The following GPR158 variants were observed in gnomAD, a reference collection of about 807,000 sequenced individuals.
The protein encoded by GPR158 is metabotropic glycine receptor.
In GPR158, 30 loss-of-function variants were observed where a neutral mutation model predicts 78.2. The observed-to-expected ratio is 0.38, with a 90% confidence interval of 0.29 to 0.52. The LOEUF (loss-of-function observed/expected upper bound fraction) is 0.52, where lower values mean the gene tolerates loss of function less well. Ranked by LOEUF, GPR158 falls within the 20% of genes least tolerant of loss-of-function variation. The pLI, the probability that GPR158 is intolerant of heterozygous loss-of-function variation, is 0.83. For synonymous variants in GPR158, 581 were observed against 591.1 expected, an observed-to-expected ratio of 0.98 and a Z score of 0.25; for missense variants, 1,463 against 1,523.5, an observed-to-expected ratio of 0.96 and a Z score of 0.66.
chr10:25,507,336 G>A (rs778135950), intron 5 of GPR158, among the ~76,000 whole-genome samples: 19 of 152,186 alleles, frequency 1.2e-4, no homozygotes, highest in Non-Finnish European at 2.5e-4. Context: ...TCGTTAAAAA[G>A]TCACCACCCT....
chr10:25,459,506 A>T (rs979630247), intron 4 of GPR158, among the ~76,000 whole-genome samples: 4 of 152,210 alleles, frequency 2.6e-5, no homozygotes, highest in East Asian at 3.8e-4. Context: ...GACCAAAAAA[A>T]TAGCTGCCTT....
At chr10:25,348,074 A>T (rs1365561524) in intron 2 of GPR158, among the ~76,000 whole-genome samples, 1 of 151,854 alleles carries the variant, frequency 6.6e-6, no homozygotes, top group Non-Finnish European at 1.5e-5. Context: ...TCACATAGGG[A>T]TCTGGGCCTG....
At chr10:25,334,776 G>A (rs903344979) in intron 2 of GPR158, among the ~76,000 whole-genome samples, 2 of 151,012 alleles carry the variant, frequency 1.3e-5, no homozygotes, top group African/African-American at 4.9e-5. Flanking sequence ...GATACTAGAT[G>A]TGAAAAGGGA....
intron 1 of GPR158, among the ~76,000 whole-genome samples, chr10:25,198,266 C>G (rs937100620): frequency 3.3e-5 from 5 of 152,178 alleles, no homozygotes; most frequent in Non-Finnish European, 7.4e-5. Flanking sequence ...CCCAAGGAAG[C>G]CTTGACCTGA....
chr10:25,422,254 C>T (rs752342469), intron 4 of GPR158, among the ~76,000 whole-genome samples: 5 of 152,070 alleles, frequency 3.3e-5, no homozygotes, highest in Admixed American at 6.6e-5. Flanking sequence ...AGCAGGGGTC[C>T]GAAACCCCTG....
chr10:25,468,000 G>A (rs566958814), intron 5 of GPR158, among the ~76,000 whole-genome samples: 1 of 152,088 alleles, frequency 6.6e-6, no homozygotes, highest in Non-Finnish European at 1.5e-5. Flanking sequence ...CTGCCTAATG[G>A]CAGCATTGCT....
intron 2 of GPR158, among the ~76,000 whole-genome samples, chr10:25,223,532 A>G (rs972485682): frequency 3.9e-5 from 6 of 152,142 alleles, no homozygotes; most frequent in African/African-American, 1.4e-4. Context: ...ATAGTCTTTC[A>G]ATTCCTTTCC....
At chr10:25,297,502 G>A (rs1854532968) in intron 2 of GPR158, among the ~76,000 whole-genome samples, 1 of 146,216 alleles carries the variant, frequency 6.8e-6, no homozygotes, top group Non-Finnish European at 1.5e-5. Context: ...GATCTAACCA[G>A]AAGCATAAAC....
chr10:25,352,222 GT>G (rs1168765534), intron 2 of GPR158, among the ~76,000 whole-genome samples: 1 of 151,952 alleles, frequency 6.6e-6, no homozygotes, highest in Non-Finnish European at 1.5e-5. Context: ...TATCACTCTA[GT>G]GAAACCCGTA....
chr10:25,299,973 C>T (rs575173757), intron 2 of GPR158, among the ~76,000 whole-genome samples: 4 of 152,010 alleles, frequency 2.6e-5, no homozygotes, highest in Non-Finnish European at 4.4e-5. Context: ...ATTACAGGTG[C>T]ATGCCGCCAC....
rs201441394 is a variant in GPR158, at chr10:25,397,355, T to G, written c.1111+1342T>G. On this transcript the variant is annotated intron_variant, in intron 3 of 10. Transcript: ENST00000376351. The stretch of plus-strand genomic sequence containing the variant: ...GGATATAATACCCAAGAAGAAAGAC[T>G]GTAGTGGTAACAGGGGTGGTTTCAT... Among the ~76,000 whole-genome samples, 17 of 152,312 alleles carry G rather than the reference T, an allele frequency of 1.1e-4. 1 individual carries two copies. The East Asian group carries it at 3.3e-3, about 29-fold the overall frequency.
chr10:25,308,403 T>G (rs893882860), intron 2 of GPR158, among the ~76,000 whole-genome samples: 8 of 152,172 alleles, frequency 5.3e-5, no homozygotes, highest in African/African-American at 1.9e-4. Flanking sequence ...TGGTATTTTG[T>G]TTTCTGTTCC....
At position 25,598,651 on chromosome 10, in the gene GPR158, T is replaced by G; in HGVS notation, c.3025T>G (p.Trp1009Gly). The G allele has an allele frequency of 6.2e-7, 1 of 1,613,998 alleles. No homozygotes were observed. Among genetic ancestry groups the G allele is most frequent in the African/African-American group, 1.3e-5 (1 of 74,982 alleles). The change falls in exon 11 of 11, where the codon TGG (tryptophan) becomes GGG (glycine). Residue 1009 changes from tryptophan to glycine, a missense_variant. Physicochemically the swap from Trp to Gly is radical, Grantham distance 184. Transcript: ENST00000376351. ...CTTTGACATTGGGGAGGTGTGTCCTTGGGAGGTTTATGACCTGACCCCTGG... is the reference window on the plus strand; with the variant it reads ...CTTTGACATTGGGGAGGTGTGTCCTGGGGAGGTTTATGACCTGACCCCTGG... ...DNFDIGEVCP[W>G]EVYDLTPGPV...
At chr10:25,217,575 T>TA (rs1258002053) in intron 1 of GPR158, among the ~76,000 whole-genome samples, 5 of 152,316 alleles carry the variant, frequency 3.3e-5, no homozygotes, top group African/African-American at 1.2e-4. Context: ...ATTAAATTTG[T>TA]TTAACCCGTG....
rs182098524 is a variant in GPR158, at chr10:25,521,107, G to A, written c.1405-29869G>A. Among the ~76,000 whole-genome samples, 17 of 152,346 alleles carry A rather than the reference G, an allele frequency of 1.1e-4. No homozygotes were observed. The East Asian group carries it at 3.1e-3, about 28-fold the overall frequency. ...AGCCCGTCGGAAAAGCGCAGTATTC[G>A]GGCGGGAGTGACCCGATTTTCCAGG... On this transcript the variant is annotated intron_variant, in intron 5 of 10. Coordinates refer to ENST00000376351, the MANE Select transcript of GPR158 (RefSeq NM_020752.3).
intron 5 of GPR158, among the ~76,000 whole-genome samples, chr10:25,478,499 T>C (rs887516184): frequency 2.0e-5 from 2 of 101,978 alleles, no homozygotes; most frequent in African/African-American, 8.6e-5. Flanking sequence ...AATGCGTGTG[T>C]GTGTGTGTGT....
chr10:25,557,387 G>T (rs1836799939), intron 6 of GPR158, among the ~76,000 whole-genome samples: 1 of 152,104 alleles, frequency 6.6e-6, no homozygotes. Flanking sequence ...TCGGAATCTT[G>T]CACACAGCTT....
At chr10:25,316,948 T>TATATATAC (rs1554793288) in intron 2 of GPR158, among the ~76,000 whole-genome samples, 1 of 150,722 alleles carries the variant, frequency 6.6e-6, no homozygotes, top group African/African-American at 2.4e-5. Flanking sequence ...TATATATATA[T>TATATATAC]ACACTCTTCC....
chr10:25,582,902 T>C (rs1837222169), intron 7 of GPR158, among the ~76,000 whole-genome samples: 1 of 152,228 alleles, frequency 6.6e-6, no homozygotes, highest in African/African-American at 2.4e-5. Context: ...CTAATTAATG[T>C]ATCAGCTGTT....
Sources: allele counts gnomAD v4.1 joint callset (sites outside exome capture counted in the v4.1 genomes callset), GRCh38; gene constraint gnomAD v4.1.1; transcripts MANE v1.5; gene names NCBI Gene and HGNC (gene_info 2026-07-23, HGNC 2026-07-21).